Variants in ATP8B4 observed in about 807,000 individuals in gnomAD.
The protein encoded by ATP8B4 is probable phospholipid-transporting ATPase IM.
In ATP8B4, 133 loss-of-function variants were observed where a neutral mutation model predicts 145.6. That is an observed-to-expected ratio of 0.91 (90% CI 0.79 to 1.05). The LOEUF is 1.05. ATP8B4 is among the 50% of genes least tolerant of loss of function. The pLI, the probability that ATP8B4 is intolerant of heterozygous loss-of-function variation, is 0.00. For missense variants in ATP8B4, 1,458 were observed against 1,425.2 expected (o/e 1.02, Z -0.37); for synonymous variants, 507 against 492.9 (o/e 1.03, Z -0.38).
intron 9 of ATP8B4, among the ~76,000 whole-genome samples, chr15:49,988,092 T>C (rs1164931626): frequency 6.6e-6 from 1 of 152,192 alleles, no homozygotes; most frequent in Non-Finnish European, 1.5e-5. Context: ...GTGTGATTCC[T>C]TTCAGCTGTT....
chr15:50,134,631 T>C (rs1318691543), intron 1 of ATP8B4, among the ~76,000 whole-genome samples: 1 of 152,198 alleles, frequency 6.6e-6, no homozygotes, highest in Non-Finnish European at 1.5e-5. Flanking sequence ...TTATGACCCT[T>C]ACAATTATCC....
intron 2 of ATP8B4, among the ~76,000 whole-genome samples, chr15:50,097,700 A>G (rs796435962): frequency 2.0e-4 from 30 of 152,322 alleles, no homozygotes; most frequent in African/African-American, 7.2e-4. Context: ...AAGTCACCTC[A>G]GTAAATAGGA....
At chr15:50,028,540 G>C (rs149756681) in intron 6 of ATP8B4, among the ~76,000 whole-genome samples, 4 of 152,202 alleles carry the variant, frequency 2.6e-5, no homozygotes, top group Non-Finnish European at 5.9e-5. Flanking sequence ...AATGAGATGA[G>C]TCATTTTGCT....
intron 1 of ATP8B4, among the ~76,000 whole-genome samples, chr15:50,131,360 A>G (rs2057344740): frequency 6.6e-6 from 1 of 152,218 alleles, no homozygotes; most frequent in Non-Finnish European, 1.5e-5. Context: ...TTACAGATAA[A>G]GAATCAGAGA....
intron 1 of ATP8B4, among the ~76,000 whole-genome samples, chr15:50,126,685 G>A (rs1347437980): frequency 6.6e-6 from 1 of 152,186 alleles, no homozygotes; most frequent in Non-Finnish European, 1.5e-5. Context: ...TTCCATTGAA[G>A]AAACGCAAGA....
At chr15:49,936,589 C>A (rs2041752634) in intron 14 of ATP8B4, among the ~76,000 whole-genome samples, 1 of 152,052 alleles carries the variant, frequency 6.6e-6, no homozygotes, top group African/African-American at 2.4e-5. Context: ...CTCTCTTTAT[C>A]CTTTCTGGTT....
intron 11 of ATP8B4, among the ~76,000 whole-genome samples, chr15:49,980,873 C>T (rs1405230647): frequency 6.6e-6 from 1 of 152,148 alleles, no homozygotes; most frequent in East Asian, 1.9e-4. Context: ...GCTATGTATA[C>T]AGGATCTGAA....
At chr15:50,068,602 C>CATTAA (rs2053536623) in intron 3 of ATP8B4, among the ~76,000 whole-genome samples, 3 of 152,138 alleles carry the variant, frequency 2.0e-5, no homozygotes, top group African/African-American at 7.2e-5. Flanking sequence ...TTAAAAACTG[C>CATTAA]CTACCTACCT....
At chr15:49,891,658 A>G (rs1224354766) in intron 23 of ATP8B4, among the ~76,000 whole-genome samples, 1 of 152,118 alleles carries the variant, frequency 6.6e-6, no homozygotes, top group Non-Finnish European at 1.5e-5. Flanking sequence ...TGATTTATGC[A>G]CTTATTTATT....
intron 25 of ATP8B4, among the ~76,000 whole-genome samples, chr15:49,870,280 T>A (rs1251302613): frequency 6.6e-6 from 1 of 152,150 alleles, no homozygotes; most frequent in Admixed American, 6.6e-5. Context: ...TCCCCTTTTG[T>A]TAAATATGTG....
chr15:50,162,289 C>A (rs1185533703), intron 1 of ATP8B4, among the ~76,000 whole-genome samples: 1 of 151,024 alleles, frequency 6.6e-6, no homozygotes. Context: ...GTTCTATAAC[C>A]TTCTTATACT....
At chr15:50,044,002 C>A (rs148930989) in intron 5 of ATP8B4, among the ~76,000 whole-genome samples, 6,134 of 148,778 alleles carry the variant, frequency 0.041, 436 homozygotes, top group African/African-American at 0.14. Context: ...ATAAATATAA[C>A]ATACAAAATA....
chr15:49,920,203 A>G (rs2040128385), intron 18 of ATP8B4, 43 bp downstream of exon 18: 1 of 1,599,608 alleles, frequency 6.3e-7, no homozygotes, highest in Non-Finnish European at 8.5e-7. Flanking sequence ...AACACATACT[A>G]TCTTTCCTGT....
At chr15:49,899,461 A>G (rs948701757) in intron 21 of ATP8B4, among the ~76,000 whole-genome samples, 1 of 152,160 alleles carries the variant, frequency 6.6e-6, no homozygotes, top group Non-Finnish European at 1.5e-5. Flanking sequence ...AAAAATGTCA[A>G]TGGATGAATG....
intron 3 of ATP8B4, among the ~76,000 whole-genome samples, chr15:50,070,974 C>T (rs1480253593): frequency 6.6e-6 from 1 of 152,118 alleles, no homozygotes; most frequent in Non-Finnish European, 1.5e-5. Flanking sequence ...AACTCCTGAC[C>T]TCGTGATCCA....
chr15:49,901,265 AC>A (rs760358649), intron 20 of ATP8B4, 26 bp from the exon 21 acceptor site: 2 of 1,609,412 alleles, frequency 1.2e-6, no homozygotes, highest in Non-Finnish European at 1.7e-6. Context: ...GAAAAGTGAA[AC>A]ATAACAAAGC....
At position 50,104,643 on chromosome 15, in the gene ATP8B4, A is replaced by G. The variant is rs1424580292; in HGVS notation, c.28+2296T>C. ...GTTGGTGGGAATGTAATCTAGTACA[A>G]CCATTATGGAAAACAGTGTGAAGAT... is the stretch of plus-strand genomic sequence containing the variant. On this transcript the variant is annotated intron_variant, in intron 2 of 27. Coordinates refer to ENST00000284509, the MANE Select transcript of ATP8B4 (RefSeq NM_024837.4). 2.6e-5 allele frequency among the ~76,000 whole-genome samples: 4 copies of G among 152,272 alleles called. No homozygotes were observed. In the South Asian group the frequency reaches 8.3e-4, roughly 32 times the overall value.
At chr15:50,175,630 A>T (rs1348614885) in intron 1 of ATP8B4, among the ~76,000 whole-genome samples, 2 of 152,196 alleles carry the variant, frequency 1.3e-5, no homozygotes, top group African/African-American at 4.8e-5. Context: ...AGGAAATACA[A>T]ATCAAAACTT....
chr15:49,884,226 CT>C (rs1227389806), intron 23 of ATP8B4, among the ~76,000 whole-genome samples: 1 of 152,094 alleles, frequency 6.6e-6, no homozygotes, highest in African/African-American at 2.4e-5. Flanking sequence ...AGTGTCAGAG[CT>C]AACTCCAAGC....
Sources: allele counts gnomAD v4.1 joint callset (sites outside exome capture counted in the v4.1 genomes callset), GRCh38; gene constraint gnomAD v4.1.1; transcripts MANE v1.5; gene names NCBI Gene and HGNC (gene_info 2026-07-23, HGNC 2026-07-21).